The following PSMD11 variants were observed in gnomAD, a reference collection of about 807,000 sequenced individuals.
The protein encoded by PSMD11 is 26S proteasome non-ATPase regulatory subunit 11.
PSMD11 carries 5 observed loss-of-function variants against 62.3 expected under a neutral mutation model. That is an observed-to-expected ratio of 0.08 (90% confidence interval 0.04 to 0.17). The LOEUF (loss-of-function observed/expected upper bound fraction) is 0.17. PSMD11 is among the 10% of genes least tolerant of loss of function. The probability of loss-of-function intolerance (pLI) is 1.00; values close to 1 mark genes in which losing one functional copy is unlikely to be tolerated. For missense variants in PSMD11, 310 were observed against 512.9 expected, an observed-to-expected ratio of 0.60 and a Z score of 3.82; for synonymous variants, 191 against 191.8, an observed-to-expected ratio of 1.00 and a Z score of 0.03.
chr17:32,446,735 AT>A (rs1259705971), intron 1 of PSMD11, among the ~76,000 whole-genome samples: 1 of 151,868 alleles, frequency 6.6e-6, no homozygotes, highest in Non-Finnish European at 1.5e-5. Flanking sequence ...AAAGAGAAGA[AT>A]CCTTTTTTTA....
chr17:32,473,582 AT>A (rs112811195), intron 6 of PSMD11, among the ~76,000 whole-genome samples: 141 of 135,842 alleles, frequency 1.0e-3, no homozygotes, highest in South Asian at 1.2e-3. Context: ...CGTGCCCAGC[AT>A]TTTTTTTTTT....
chr17:32,464,430 T>G (rs779256378), intron 4 of PSMD11, 91 bp from the exon 5 acceptor site: 9 of 1,077,088 alleles, frequency 8.4e-6, no homozygotes, highest in Non-Finnish European at 1.2e-5. Flanking sequence ...AAATTGCATA[T>G]TTAACAGTAA....
In PSMD11 at chr17:32,482,021, C is replaced by A. The variant is rs1354917335; in HGVS notation, c.*1269C>A. The A allele has an allele frequency of 6.6e-6, 1 of 151,776 alleles. No homozygotes were observed. The highest frequency in any genetic ancestry group is 2.4e-5 in the African/African-American group (1 of 41,302). The allele number at this position is 151,776 out of a possible 1,614,324, so 9.4% of individuals were successfully genotyped here. A position where few individuals can be genotyped will look rare whatever the true frequency, so the allele number is the denominator to read the frequency against. The stretch of plus-strand genomic sequence containing the variant: ...CTTCTGTTGTGCTGAACTGTATTTT[C>A]TTCTCTCATCTCCTCTTTGTCTTTT... On this transcript the variant is annotated 3_prime_UTR_variant, in exon 14 of 14. Transcript: ENST00000261712.
intron 2 of PSMD11, among the ~76,000 whole-genome samples, chr17:32,447,917 G>T (rs1290923769): frequency 2.0e-5 from 3 of 146,650 alleles, no homozygotes; most frequent in Non-Finnish European, 1.5e-5. Context: ...GTCTTGCTGT[G>T]TCACCCGGGT....
At position 32,482,482 on chromosome 17, in the gene PSMD11, AT is replaced by A. The variant is rs1203053519; in HGVS notation, c.*1733del. ...CTCATCTGGCCAAAGCTGTTATCTC[AT>A]TTGTGTAATGGGAGTCCTTAAGGTA... On this transcript the variant is annotated 3_prime_UTR_variant, in exon 14 of 14. Transcript: ENST00000261712. The A allele has an allele frequency of 6.6e-6, 1 of 151,700 alleles. No homozygotes were observed. Among genetic ancestry groups the A allele is most frequent in the Non-Finnish European group, 1.5e-5 (1 of 68,018 alleles). The allele number at this position is 151,700 out of a possible 1,614,324, so 9.4% of individuals were successfully genotyped here. A position where few individuals can be genotyped will look rare whatever the true frequency, so the allele number is the denominator to read the frequency against.
intron 3 of PSMD11, among the ~76,000 whole-genome samples, chr17:32,462,604 G>A (rs1907873689): frequency 6.6e-6 from 1 of 152,210 alleles, no homozygotes; most frequent in South Asian, 2.1e-4. Flanking sequence ...TTTATTTACA[G>A]AGCTAGAATT....
At chr17:32,472,543 T>C in intron 6 of PSMD11, among the ~76,000 whole-genome samples, 1 of 143,538 alleles carries the variant, frequency 7.0e-6, no homozygotes, top group East Asian at 2.0e-4. Flanking sequence ...CCTGACCTCT[T>C]TTTTTTTTTT....
chr17:32,449,997 T>A (rs1041496554), intron 2 of PSMD11, among the ~76,000 whole-genome samples: 1 of 152,224 alleles, frequency 6.6e-6, no homozygotes, highest in Non-Finnish European at 1.5e-5. Context: ...TTGAGCATCA[T>A]CAGACATGAT....
At chr17:32,465,675 A>C (rs914078115) in intron 5 of PSMD11, among the ~76,000 whole-genome samples, 4 of 152,052 alleles carry the variant, frequency 2.6e-5, no homozygotes, top group Admixed American at 1.3e-4. Flanking sequence ...ACCACTACTT[A>C]ATTTCAGAAA....
intron 3 of PSMD11, chr17:32,454,835 A>C (rs1907603891): frequency 6.6e-6 from 3 of 453,550 alleles, no homozygotes; most frequent in South Asian, 5.5e-5. Context: ...GGTCCCTGGA[A>C]TCCTCATTAC....
intron 2 of PSMD11, chr17:32,447,257 T>C: frequency 2.1e-6 from 1 of 483,634 alleles, no homozygotes; most frequent in Non-Finnish European, 3.6e-6. Flanking sequence ...ACAATCTTAT[T>C]TTTGTTGGGA....
chr17:32,464,493 T>G lies in PSMD11; in HGVS notation c.391-28T>G, dbSNP rs773851645. The G allele has an allele frequency of 1.9e-6, 3 of 1,554,974 alleles. No individual in the cohort carries two copies. The African/African-American group carries it at 4.1e-5, about 21-fold the overall frequency. On this transcript the variant is annotated intron_variant, in intron 4 of 13. Coordinates refer to ENST00000261712, the MANE Select transcript of PSMD11 (RefSeq NM_002815.4). ...TCTTTCTGTGGCTTTTTCCCCCCCC[T>G]TCAATCAATGCCTTTTCTCTTTCCT...
intron 2 of PSMD11, among the ~76,000 whole-genome samples, chr17:32,452,272 T>C (rs1157240021): frequency 6.6e-6 from 1 of 152,166 alleles, no homozygotes; most frequent in Non-Finnish European, 1.5e-5. Context: ...TGATATAGAC[T>C]GTATATCTGA....
intron 6 of PSMD11, among the ~76,000 whole-genome samples, chr17:32,470,425 G>T (rs1451691484): frequency 6.6e-6 from 1 of 151,956 alleles, no homozygotes; most frequent in Admixed American, 6.6e-5. Context: ...CGATTCTCCT[G>T]TCTCAGCCTC....
chr17:32,479,960 T>C, intron 11 of PSMD11, 74 bp downstream of exon 11: 16 of 1,543,764 alleles, frequency 1.0e-5, no homozygotes, highest in Non-Finnish European at 1.4e-5. Context: ...TGCACCTGAT[T>C]GGCCTCATTG....
intron 1 of PSMD11, 116 bp downstream of exon 1, chr17:32,444,730 A>G: frequency 7.5e-7 from 1 of 1,326,570 alleles, no homozygotes; most frequent in East Asian, 2.5e-5. Flanking sequence ...TCACTGTGTG[A>G]GGGGGGCCGG....
At chr17:32,458,877 C>G (rs1907726476) in intron 3 of PSMD11, among the ~76,000 whole-genome samples, 1 of 151,928 alleles carries the variant, frequency 6.6e-6, no homozygotes. Context: ...CACATCTTAC[C>G]TCCTCAGAGA....
chr17:32,447,286 G>T, intron 2 of PSMD11: 1 of 397,206 alleles, frequency 2.5e-6, no homozygotes, highest in Non-Finnish European at 4.5e-6. Flanking sequence ...TTTCTGATTT[G>T]TTTCTGGTTT....
chr17:32,445,779 C>A (rs1218795278), intron 1 of PSMD11: 1 of 152,100 alleles, frequency 6.6e-6, no homozygotes, highest in Admixed American at 6.6e-5. Flanking sequence ...GGAGAAAGGA[C>A]AATGACAAGA....
Sources: gnomAD v4.1 joint callset for allele counts (sites outside exome capture counted in the v4.1 genomes callset) on GRCh38, gnomAD v4.1.1 for gene constraint, MANE v1.5 for transcripts, NCBI Gene and HGNC (gene_info 2026-07-23, HGNC 2026-07-21) for gene names.